Variants in MAGI3 observed in about 807,000 individuals in gnomAD.
The protein encoded by MAGI3 is membrane associated guanylate kinase, WW and PDZ domain containing 3, also known as membrane-associated guanylate kinase, WW and PDZ domain-containing protein 3.
Under a neutral mutation model 121.8 loss-of-function variants are expected in MAGI3, and 43 were observed. That is an observed-to-expected ratio of 0.35 (90% CI 0.28 to 0.46). The LOEUF (loss-of-function observed/expected upper bound fraction) is 0.46. MAGI3 is among the 20% of genes least tolerant of loss of function. The pLI is 1.00. For missense variants in MAGI3, 1,547 were observed against 1,797.3 expected (o/e 0.86, Z 2.52); for synonymous variants, 553 against 639.3 (o/e 0.86, Z 2.04).
intron 1 of MAGI3, among the ~76,000 whole-genome samples, chr1:113,543,642 C>T (rs1209373042): frequency 2.6e-5 from 4 of 151,970 alleles, no homozygotes; most frequent in South Asian, 2.1e-4. Flanking sequence ...CTGAGGCAGG[C>T]GGATCACTTG....
chr1:113,415,001 CATT>C (rs1429394503), intron 1 of MAGI3, among the ~76,000 whole-genome samples: 2 of 151,958 alleles, frequency 1.3e-5, no homozygotes, highest in Admixed American at 6.6e-5. Context: ...AATGAGATGA[CATT>C]ATTATCATTA....
chr1:113,625,790 C>T (rs1651202141), intron 9 of MAGI3, among the ~76,000 whole-genome samples: 1 of 152,110 alleles, frequency 6.6e-6, no homozygotes, highest in African/African-American at 2.4e-5. Flanking sequence ...GAAGGACTTT[C>T]AGTTTTTCCC....
intron 1 of MAGI3, among the ~76,000 whole-genome samples, chr1:113,394,654 T>G (rs1650997680): frequency 1.3e-5 from 2 of 152,172 alleles, no homozygotes; most frequent in Admixed American, 1.3e-4. Flanking sequence ...TTCATACACC[T>G]TTAAGCTCAT....
At chr1:113,516,345 T>G (rs1167318943) in intron 1 of MAGI3, among the ~76,000 whole-genome samples, 4 of 126,062 alleles carry the variant, frequency 3.2e-5, no homozygotes, top group Non-Finnish European at 6.3e-5. Context: ...AACTACAAGA[T>G]GAGCCTGGAG....
chr1:113,554,880 C>G (rs1050899389), intron 2 of MAGI3, among the ~76,000 whole-genome samples: 5 of 152,068 alleles, frequency 3.3e-5, no homozygotes, highest in Non-Finnish European at 7.4e-5. Flanking sequence ...AATCTCAACA[C>G]AGCAGGAAGC....
At chr1:113,503,870 T>A (rs1004328569) in intron 1 of MAGI3, among the ~76,000 whole-genome samples, 3 of 152,048 alleles carry the variant, frequency 2.0e-5, no homozygotes, top group Non-Finnish European at 4.4e-5. Context: ...AAATATTTCA[T>A]CACTGGAAAT....
intron 1 of MAGI3, among the ~76,000 whole-genome samples, chr1:113,524,300 G>A (rs1367855220): frequency 6.6e-6 from 1 of 152,104 alleles, no homozygotes. Context: ...TCGTGGAGAT[G>A]TGAGAAGAGG....
chr1:113,402,193 G>T (rs1651443320), intron 1 of MAGI3, among the ~76,000 whole-genome samples: 1 of 152,146 alleles, frequency 6.6e-6, no homozygotes, highest in African/African-American at 2.4e-5. Flanking sequence ...GTTTCTTTAT[G>T]AAATCTGCAT....
intron 1 of MAGI3, among the ~76,000 whole-genome samples, chr1:113,489,192 G>A (rs1162353431): frequency 6.9e-6 from 1 of 144,332 alleles, no homozygotes; most frequent in Non-Finnish European, 1.5e-5. Context: ...CCAGCACAGT[G>A]GATTTCTAAC....
intron 1 of MAGI3, among the ~76,000 whole-genome samples, chr1:113,395,389 T>C (rs1307084562): frequency 5.3e-5 from 8 of 151,818 alleles, no homozygotes; most frequent in Non-Finnish European, 1.0e-4. Context: ...TTTGGTAGTT[T>C]TTTTTTCTTT....
At chr1:113,632,999 C>A (rs1161098900) in intron 9 of MAGI3, among the ~76,000 whole-genome samples, 1 of 149,848 alleles carries the variant, frequency 6.7e-6, no homozygotes, top group East Asian at 2.0e-4. Flanking sequence ...GTGTGCTGCA[C>A]CCATTAACTC....
intron 1 of MAGI3, among the ~76,000 whole-genome samples, chr1:113,544,631 A>G (rs920708502): frequency 1.3e-5 from 2 of 152,212 alleles, no homozygotes; most frequent in Admixed American, 1.3e-4. Flanking sequence ...CTAAGACTTT[A>G]AGAAATAAAC....
At chr1:113,524,959 C>T (rs577388155) in intron 1 of MAGI3, among the ~76,000 whole-genome samples, 120 of 152,240 alleles carry the variant, frequency 7.9e-4, no homozygotes, top group Non-Finnish European at 1.2e-3. Context: ...CTTTCCCATG[C>T]TATTTTCATG....
chr1:113,529,131 C>T (rs1208653075), intron 1 of MAGI3, among the ~76,000 whole-genome samples: 1 of 152,202 alleles, frequency 6.6e-6, no homozygotes, highest in Non-Finnish European at 1.5e-5. Flanking sequence ...CATCTACCCT[C>T]TACCTCTGTC....
chr1:113,463,562 G>T (rs72687937), intron 1 of MAGI3, among the ~76,000 whole-genome samples: 9 of 152,210 alleles, frequency 5.9e-5, no homozygotes, highest in Non-Finnish European at 1.0e-4. Context: ...TGACCCTTAG[G>T]AGAGCTGTTT....
chr1:113,540,254 C>A (rs1474488168), intron 1 of MAGI3, among the ~76,000 whole-genome samples: 3 of 152,130 alleles, frequency 2.0e-5, no homozygotes, highest in Non-Finnish European at 4.4e-5. Context: ...TTAAGACAAG[C>A]GTTTATTTAG....
intron 7 of MAGI3, among the ~76,000 whole-genome samples, chr1:113,616,002 T>C (rs900987185): frequency 1.3e-5 from 2 of 152,336 alleles, no homozygotes; most frequent in African/African-American, 2.4e-5. Flanking sequence ...TTGACACTGC[T>C]GAACATTTCT....
intron 1 of MAGI3, among the ~76,000 whole-genome samples, chr1:113,471,476 A>G (rs775666136): frequency 6.6e-6 from 1 of 152,180 alleles, no homozygotes; most frequent in Non-Finnish European, 1.5e-5. Context: ...GCCTTTCTAA[A>G]AGGGAAGTTC....
chr1:113,446,776 G>A (rs2101473700), intron 1 of MAGI3, among the ~76,000 whole-genome samples: 1 of 152,270 alleles, frequency 6.6e-6, no homozygotes, highest in Admixed American at 6.5e-5. Flanking sequence ...TGTTGTAAGA[G>A]ACAAAGAAGG....
Sources: allele counts gnomAD v4.1 joint callset (sites outside exome capture counted in the v4.1 genomes callset), GRCh38; gene constraint gnomAD v4.1.1; transcripts MANE v1.5; gene names NCBI Gene and HGNC (gene_info 2026-07-23, HGNC 2026-07-21).